The following TACR3 variants were observed in gnomAD, a reference collection of about 807,000 sequenced individuals.
The protein encoded by TACR3 is tachykinin receptor 3, also known as neuromedin-K receptor.
In TACR3, 34 loss-of-function variants were observed where a neutral mutation model predicts 35.0. The observed-to-expected ratio is 0.97, with a 90% CI of 0.74 to 1.30. TACR3 has a LOEUF of 1.30. TACR3 is among the 50% of genes most tolerant of loss of function. TACR3 has a pLI of 0.00. For missense variants in TACR3, 558 were observed against 591.7 expected (o/e 0.94, Z 0.59); for synonymous variants, 233 against 221.1 (o/e 1.05, Z -0.48).
intron 1 of TACR3, among the ~76,000 whole-genome samples, chr4:103,667,317 C>T (rs1725956688): frequency 6.6e-6 from 1 of 151,880 alleles, no homozygotes. Context: ...TTTTAGCTCC[C>T]ACATACAGGT....
At chr4:103,636,710 AAG>A (rs1725200916) in intron 3 of TACR3, among the ~76,000 whole-genome samples, 1 of 152,098 alleles carries the variant, frequency 6.6e-6, no homozygotes, top group Non-Finnish European at 1.5e-5. Flanking sequence ...TAAAGAAGAA[AAG>A]AGAGAAGAAT....
At chr4:103,680,494 T>TACAC (rs957508252) in intron 1 of TACR3, among the ~76,000 whole-genome samples, 2 of 98,722 alleles carry the variant, frequency 2.0e-5, no homozygotes, top group South Asian at 4.2e-4. Flanking sequence ...TATACATACA[T>TACAC]ACACACACAC....
In TACR3 at chr4:103,653,313, TA is replaced by T. The variant is rs146261274; in HGVS notation, c.888+2880del. Among the ~76,000 whole-genome samples, 766 of 149,696 alleles carry T rather than the reference TA, an allele frequency of 5.1e-3. 11 individuals carry two copies. The highest frequency in any genetic ancestry group is 0.018 in the African/African-American group (728 of 41,038). Reference sequence around the variant, plus strand: ...CTCACCATTTATTTAGAGACAAAATTAAAAAAAAAATCCCTCTTCCTTTTTG... The same window carrying T: ...CTCACCATTTATTTAGAGACAAAATTAAAAAAAAATCCCTCTTCCTTTTTG... On this transcript the variant is annotated intron_variant, in intron 3 of 4. Transcript: ENST00000304883.
intron 3 of TACR3, among the ~76,000 whole-genome samples, chr4:103,607,224 G>C (rs1724396102): frequency 6.6e-6 from 1 of 152,064 alleles, no homozygotes; most frequent in Non-Finnish European, 1.5e-5. Context: ...TGTTAAGCAT[G>C]TTTTTGTTTC....
At chr4:103,600,880 C>T (rs11723901) in intron 3 of TACR3, among the ~76,000 whole-genome samples, 1 of 151,842 alleles carries the variant, frequency 6.6e-6, no homozygotes, top group Non-Finnish European at 1.5e-5. Context: ...TTACTTCCAA[C>T]TATGTGGTCA....
intron 3 of TACR3, among the ~76,000 whole-genome samples, chr4:103,648,909 G>A (rs976312773): frequency 6.6e-6 from 1 of 152,094 alleles, no homozygotes. Context: ...CCCATCAACT[G>A]TATGAGAGTT....
intron 4 of TACR3, chr4:103,591,215 C>T: frequency 2.2e-6 from 1 of 457,430 alleles, no homozygotes; most frequent in Middle Eastern, 6.0e-4. Context: ...AGGTAAAATT[C>T]TGAGATTTTG....
At chr4:103,718,298 A>G (rs1723135110) in intron 1 of TACR3, among the ~76,000 whole-genome samples, 1 of 152,180 alleles carries the variant, frequency 6.6e-6, no homozygotes, top group South Asian at 2.1e-4. Flanking sequence ...GCTGAGACTG[A>G]AATCAACTGC....
chr4:103,639,754 T>C (rs1172766362), intron 3 of TACR3, among the ~76,000 whole-genome samples: 1 of 151,976 alleles, frequency 6.6e-6, no homozygotes, highest in Non-Finnish European at 1.5e-5. Context: ...ATCCTGACTC[T>C]ATTGTTAAAT....
At chr4:103,717,278 A>G (rs4141203) in intron 1 of TACR3, among the ~76,000 whole-genome samples, 50,352 of 151,960 alleles carry the variant, frequency 0.33, 12,881 homozygotes, top group African/African-American at 0.72. Flanking sequence ...TTAAATAATA[A>G]TTTTAAAAGA....
At chr4:103,604,415 A>C (rs1724296413) in intron 3 of TACR3, among the ~76,000 whole-genome samples, 1 of 152,200 alleles carries the variant, frequency 6.6e-6, no homozygotes, top group Non-Finnish European at 1.5e-5. Context: ...AATTAAACAT[A>C]AGACCGAAAA....
intron 3 of TACR3, among the ~76,000 whole-genome samples, chr4:103,619,381 G>A (rs1374556983): frequency 2.0e-5 from 3 of 152,070 alleles, no homozygotes; most frequent in African/African-American, 2.4e-5. Context: ...GTAGAGACAG[G>A]GTTTCACCAT....
intron 3 of TACR3, among the ~76,000 whole-genome samples, chr4:103,612,480 C>G (rs758396757): frequency 6.6e-6 from 1 of 151,600 alleles, no homozygotes; most frequent in Admixed American, 6.6e-5. Context: ...CTTTGCCCTG[C>G]TTAAATGCAA....
rs1725802556 is a variant in TACR3 at position 103,659,839 on chromosome 4, C to A, written c.549-1436G>T. Among the ~76,000 whole-genome samples, 4 of 152,090 alleles carry A rather than the reference C, an allele frequency of 2.6e-5. No individual in the cohort carries two copies. In the South Asian group the frequency reaches 8.3e-4, roughly 32 times the overall value. On this transcript the variant is annotated intron_variant, in intron 1 of 4. Transcript: ENST00000304883. ...ACTTCCAATTTTGAACTGGAGATAG[C>A]ATGGCTAATTGCCAAATTCTAGCTA...
chr4:103,630,881 G>A (rs576747536), intron 3 of TACR3, among the ~76,000 whole-genome samples: 7 of 152,092 alleles, frequency 4.6e-5, no homozygotes, highest in African/African-American at 9.7e-5. Context: ...ACACACACAC[G>A]TGTGTTTATC....
At chr4:103,717,572 A>C (rs1723118546) in intron 1 of TACR3, among the ~76,000 whole-genome samples, 2 of 152,164 alleles carry the variant, frequency 1.3e-5, no homozygotes, top group African/African-American at 4.8e-5. Context: ...CATGCACTAA[A>C]ATTTTCTTCA....
At chr4:103,653,918 T>C (rs1325637683) in intron 3 of TACR3, among the ~76,000 whole-genome samples, 1 of 152,076 alleles carries the variant, frequency 6.6e-6, no homozygotes, top group African/African-American at 2.4e-5. Context: ...AAAGAAGACA[T>C]TTATGCAGCC....
At chr4:103,671,142 A>G (rs1224499479) in intron 1 of TACR3, among the ~76,000 whole-genome samples, 2 of 152,002 alleles carry the variant, frequency 1.3e-5, no homozygotes, top group African/African-American at 4.8e-5. Flanking sequence ...TCACCTGATC[A>G]TGATGAGTGA....
At chr4:103,668,347 A>C (rs1039644420) in intron 1 of TACR3, among the ~76,000 whole-genome samples, 1 of 152,180 alleles carries the variant, frequency 6.6e-6, no homozygotes, top group African/African-American at 2.4e-5. Flanking sequence ...ATTAAAAATT[A>C]CTTACTGATA....
Sources: gnomAD v4.1 joint callset for allele counts (sites outside exome capture counted in the v4.1 genomes callset) on GRCh38, gnomAD v4.1.1 for gene constraint, MANE v1.5 for transcripts, NCBI Gene and HGNC (gene_info 2026-07-23, HGNC 2026-07-21) for gene names.